Variants in TENM3 observed in about 807,000 individuals in gnomAD.
TENM3 encodes teneurin-3.
TENM3 carries 63 observed loss-of-function variants against 255.1 expected under a neutral mutation model. The ratio of observed to expected loss-of-function variants is 0.25; its 90% CI spans 0.20 to 0.30. The LOEUF (loss-of-function observed/expected upper bound fraction) is 0.30. Ranked by LOEUF, TENM3 falls within the 10% of genes least tolerant of loss-of-function variation. The pLI is 1.00. For synonymous variants in TENM3, 1,306 were observed against 1,322.3 expected (o/e 0.99, Z 0.27); for missense variants, 2,929 against 3,461.1 (o/e 0.85, Z 3.86).
the TENM3 span, among the ~76,000 whole-genome samples, chr4:181,544,426 A>C: frequency 1.4e-5 from 2 of 146,994 alleles, no homozygotes; most frequent in Non-Finnish European, 3.0e-5. Flanking sequence ...AAAAAAAAAA[A>C]AAAAAAAAAA....
At chr4:182,477,075 C>G (rs1322781954) in intron 3 of TENM3, among the ~76,000 whole-genome samples, 1 of 152,144 alleles carries the variant, frequency 6.6e-6, no homozygotes, top group African/African-American at 2.4e-5. Flanking sequence ...AGGATTGTGC[C>G]ACAGTTAGTA....
the TENM3 span, among the ~76,000 whole-genome samples, chr4:181,776,169 G>A: frequency 6.6e-6 from 1 of 151,948 alleles, no homozygotes; most frequent in Admixed American, 6.6e-5. Context: ...GTGAGAACAG[G>A]CAATGTTTCT....
the TENM3 span, among the ~76,000 whole-genome samples, chr4:182,010,081 A>G: frequency 6.6e-6 from 1 of 152,144 alleles, no homozygotes; most frequent in African/African-American, 2.4e-5. Flanking sequence ...TGAAATATTC[A>G]CACACTTATT....
the TENM3 span, among the ~76,000 whole-genome samples, chr4:181,719,915 A>G: frequency 6.6e-6 from 1 of 152,178 alleles, no homozygotes; most frequent in Non-Finnish European, 1.5e-5. Context: ...CGTATTTGGT[A>G]TTCAATTTCA....
intron 1 of TENM3, among the ~76,000 whole-genome samples, chr4:182,281,240 G>A (rs1000914811): frequency 2.0e-5 from 3 of 152,084 alleles, no homozygotes; most frequent in Non-Finnish European, 4.4e-5. Flanking sequence ...CTGCAATTTA[G>A]AAATATTTAA....
At chr4:181,927,987 A>G in the TENM3 span, among the ~76,000 whole-genome samples, 7 of 152,146 alleles carry the variant, frequency 4.6e-5, no homozygotes, top group African/African-American at 1.4e-4. Flanking sequence ...AATCAACATC[A>G]ACAAAAAGGA....
At chr4:182,541,097 C>G (rs1461873195) in intron 3 of TENM3, among the ~76,000 whole-genome samples, 1 of 152,190 alleles carries the variant, frequency 6.6e-6, no homozygotes, top group Non-Finnish European at 1.5e-5. Flanking sequence ...AAAACTTGCT[C>G]AACTTCAAAC....
At chr4:181,849,930 T>TTCTCTCTCTCTCTCTCTC in the TENM3 span, among the ~76,000 whole-genome samples, 25 of 84,102 alleles carry the variant, frequency 3.0e-4, no homozygotes, top group East Asian at 3.8e-3. Context: ...CTCTCTCTCT[T>TTCTCTCTCTCTCTCTCTC]TCTCTCTCTC....
At chr4:181,651,407 C>G in the TENM3 span, among the ~76,000 whole-genome samples, 2 of 151,906 alleles carry the variant, frequency 1.3e-5, no homozygotes, top group Non-Finnish European at 2.9e-5. Context: ...CGAGACTGGC[C>G]TAAAACCCTG....
intron 22 of TENM3, among the ~76,000 whole-genome samples, chr4:182,766,948 AC>A (rs1206033863): frequency 6.6e-6 from 1 of 152,054 alleles, no homozygotes; most frequent in Non-Finnish European, 1.5e-5. Flanking sequence ...GACCAAACTC[AC>A]GTAAAATAAT....
chr4:182,096,213 C>T, the TENM3 span, among the ~76,000 whole-genome samples: 2 of 151,970 alleles, frequency 1.3e-5, no homozygotes, highest in Non-Finnish European at 2.9e-5. Flanking sequence ...AAGGGTCATG[C>T]CATAATGACT....
the TENM3 span, among the ~76,000 whole-genome samples, chr4:181,500,985 T>C: frequency 6.6e-6 from 1 of 152,148 alleles, no homozygotes; most frequent in Non-Finnish European, 1.5e-5. Context: ...CCTAATCTCT[T>C]GTTGTGGCTT....
At chr4:181,832,413 T>C in the TENM3 span, among the ~76,000 whole-genome samples, 3 of 152,190 alleles carry the variant, frequency 2.0e-5, no homozygotes, top group Middle Eastern at 3.2e-3. Context: ...GCTTAAAGCA[T>C]AAGAAAACGG....
At chr4:182,191,918 A>G (rs967721599) in intron 1 of TENM3, among the ~76,000 whole-genome samples, 19 of 152,188 alleles carry the variant, frequency 1.2e-4, no homozygotes, top group African/African-American at 4.6e-4. Flanking sequence ...GTATGAGCCA[A>G]TACATCATTC....
At chr4:181,887,218 C>G in the TENM3 span, among the ~76,000 whole-genome samples, 1 of 151,070 alleles carries the variant, frequency 6.6e-6, no homozygotes, top group Non-Finnish European at 1.5e-5. Flanking sequence ...CGGGTCTTCC[C>G]AAATTATATG....
At chr4:181,582,523 T>C in the TENM3 span, among the ~76,000 whole-genome samples, 3 of 151,974 alleles carry the variant, frequency 2.0e-5, no homozygotes, top group African/African-American at 7.2e-5. Context: ...GGCGGGCGCC[T>C]GTAATCCCAG....
At chr4:181,468,415 T>G in the TENM3 span, among the ~76,000 whole-genome samples, 220 of 152,370 alleles carry the variant, frequency 1.4e-3, 2 homozygotes, top group Admixed American at 4.8e-3. Flanking sequence ...TGCTTCAATT[T>G]TCTGCATTTT....
the TENM3 span, among the ~76,000 whole-genome samples, chr4:181,467,277 G>A: frequency 6.7e-6 from 1 of 150,084 alleles, no homozygotes; most frequent in Non-Finnish European, 1.5e-5. Context: ...GGGATTACAA[G>A]CGCCCGCCAC....
At chr4:181,895,481 C>T in the TENM3 span, among the ~76,000 whole-genome samples, 1 of 151,344 alleles carries the variant, frequency 6.6e-6, no homozygotes, top group Non-Finnish European at 1.5e-5. Context: ...GCTCCCAGTC[C>T]CCCAATTTTT....
Sources: allele counts gnomAD v4.1 joint callset (sites outside exome capture counted in the v4.1 genomes callset), GRCh38; gene constraint gnomAD v4.1.1; transcripts MANE v1.5; gene names NCBI Gene and HGNC (gene_info 2026-07-23, HGNC 2026-07-21).